GRID2: variants seen among roughly 807,000 people sequenced by gnomAD.
GRID2 encodes glutamate ionotropic receptor delta type subunit 2, also known as glutamate receptor ionotropic, delta-2.
Under a neutral mutation model 114.8 loss-of-function variants are expected in GRID2, and 33 were observed. The observed-to-expected ratio is 0.29, with a 90% CI of 0.22 to 0.38. The LOEUF (loss-of-function observed/expected upper bound fraction) is 0.38, where lower values mean the gene tolerates loss of function less well. Among genes scored for constraint, GRID2 ranks in the 10% least tolerant of loss-of-function variants. The pLI, the probability that GRID2 is intolerant of heterozygous loss-of-function variation, is 1.00. For synonymous variants in GRID2, 505 were observed against 449.9 expected (o/e 1.12, Z -1.55); for missense variants, 1,184 against 1,257.7 (o/e 0.94, Z 0.89).
intron 13 of GRID2, among the ~76,000 whole-genome samples, chr4:93,560,083 T>C (rs1734745570): frequency 1.3e-5 from 2 of 149,614 alleles, no homozygotes; most frequent in Non-Finnish European, 3.0e-5. Context: ...TGTCAGAAGG[T>C]GGGGGGCTAG....
At chr4:92,982,114 T>C (rs1315224493) in intron 2 of GRID2, among the ~76,000 whole-genome samples, 2 of 151,528 alleles carry the variant, frequency 1.3e-5, no homozygotes, top group Non-Finnish European at 2.9e-5. Flanking sequence ...GTCTCATTTT[T>C]ACTCCCCTAC....
chr4:93,007,685 A>C (rs1032895981), intron 2 of GRID2, among the ~76,000 whole-genome samples: 1 of 152,122 alleles, frequency 6.6e-6, no homozygotes, highest in Non-Finnish European at 1.5e-5. Context: ...AGGTGTTAAA[A>C]GGGGTAGAAT....
chr4:92,598,050 G>A (rs1729035283), intron 2 of GRID2, among the ~76,000 whole-genome samples: 1 of 152,144 alleles, frequency 6.6e-6, no homozygotes, highest in South Asian at 2.1e-4. Context: ...TCCTTGACAA[G>A]TGTAATGAGG....
At chr4:92,835,556 A>G (rs969170691) in intron 2 of GRID2, among the ~76,000 whole-genome samples, 2 of 152,126 alleles carry the variant, frequency 1.3e-5, no homozygotes, top group Non-Finnish European at 2.9e-5. Flanking sequence ...TCAGAATTGC[A>G]TGAGGTCCTG....
intron 1 of GRID2, among the ~76,000 whole-genome samples, chr4:92,475,088 G>T (rs1479212271): frequency 1.3e-5 from 2 of 148,250 alleles, no homozygotes; most frequent in Non-Finnish European, 3.0e-5. Context: ...CTGGCACATT[G>T]TGCATATGTA....
chr4:92,353,705 G>A (rs1332051172), intron 1 of GRID2, among the ~76,000 whole-genome samples: 1 of 151,938 alleles, frequency 6.6e-6, no homozygotes, highest in Non-Finnish European at 1.5e-5. Context: ...GGCTGTGTGT[G>A]GGGCCCCTCC....
chr4:93,499,444 A>G (rs752548115), intron 12 of GRID2, among the ~76,000 whole-genome samples: 8 of 151,714 alleles, frequency 5.3e-5, no homozygotes, highest in Non-Finnish European at 2.9e-5. Context: ...CTTCTTTCCC[A>G]CCCACATTTC....
At chr4:93,021,767 T>C (rs1723371438) in intron 2 of GRID2, among the ~76,000 whole-genome samples, 1 of 146,114 alleles carries the variant, frequency 6.8e-6, no homozygotes, top group African/African-American at 2.5e-5. Flanking sequence ...ATGAATATTA[T>C]AATATTTACA....
At chr4:92,388,255 G>A (rs1730072701) in intron 1 of GRID2, among the ~76,000 whole-genome samples, 1 of 151,954 alleles carries the variant, frequency 6.6e-6, no homozygotes, top group South Asian at 2.1e-4. Flanking sequence ...TTAGGTCATT[G>A]GCTGTTTTAA....
intron 8 of GRID2, among the ~76,000 whole-genome samples, chr4:93,241,350 T>A (rs1000753771): frequency 1.3e-5 from 2 of 151,696 alleles, no homozygotes; most frequent in African/African-American, 4.8e-5. Context: ...TGATGTTGAA[T>A]GGAAATAACA....
chr4:92,846,079 T>A (rs1031880587), intron 2 of GRID2, among the ~76,000 whole-genome samples: 2 of 152,114 alleles, frequency 1.3e-5, no homozygotes, highest in Non-Finnish European at 2.9e-5. Context: ...CTAGTTAAAA[T>A]TACAGATTTC....
intron 1 of GRID2, among the ~76,000 whole-genome samples, chr4:92,448,588 C>T (rs1481625561): frequency 6.6e-6 from 1 of 151,954 alleles, no homozygotes; most frequent in African/African-American, 2.4e-5. Context: ...TTAAGATCAA[C>T]ATCTAAAAAA....
At chr4:92,494,613 A>G (rs1036377959) in intron 1 of GRID2, among the ~76,000 whole-genome samples, 1 of 152,112 alleles carries the variant, frequency 6.6e-6, no homozygotes, top group African/African-American at 2.4e-5. Context: ...AAGTACCAGA[A>G]TCAAGTCTAA....
At position 92,600,045 on chromosome 4, in the gene GRID2, T is replaced by A. The variant is rs1477893128; in HGVS notation, c.244+9759T>A. Among the ~76,000 whole-genome samples, 4 of 14,178 alleles carry A rather than the reference T, an allele frequency of 2.8e-4. No homozygotes were observed. The East Asian group carries it at 8.0e-3, about 28-fold the overall frequency. The allele number at this position is 14,178 out of a possible 152,430, so 9.3% of individuals were successfully genotyped here. A position where few individuals can be genotyped will look rare whatever the true frequency, so the allele number is the denominator to read the frequency against. ...ATGTATGTGTGTGTGTGTGTGTGTG[T>A]ATATATATATATATATATATATATA... is the stretch of plus-strand genomic sequence containing the variant. On this transcript the variant is annotated intron_variant, in intron 2 of 15. Coordinates refer to ENST00000282020, the MANE Select transcript of GRID2 (RefSeq NM_001510.4).
intron 1 of GRID2, among the ~76,000 whole-genome samples, chr4:92,341,069 T>C (rs191163593): frequency 4.3e-4 from 66 of 152,298 alleles, no homozygotes; most frequent in African/African-American, 1.4e-3. Flanking sequence ...CAGTATCTAG[T>C]ATATAAAATA....
intron 1 of GRID2, among the ~76,000 whole-genome samples, chr4:92,573,001 CT>C (rs1199897728): frequency 2.0e-5 from 3 of 151,960 alleles, no homozygotes; most frequent in African/African-American, 7.2e-5. Context: ...AGTTTCAGAA[CT>C]CATTATTGCC....
intron 2 of GRID2, among the ~76,000 whole-genome samples, chr4:93,062,435 A>G (rs749152262): frequency 1.3e-5 from 2 of 152,142 alleles, no homozygotes; most frequent in Non-Finnish European, 2.9e-5. Flanking sequence ...TATCTCTTAT[A>G]TAATGTCTTT....
intron 1 of GRID2, among the ~76,000 whole-genome samples, chr4:92,518,246 AAG>A (rs1284112855): frequency 6.6e-6 from 1 of 151,578 alleles, no homozygotes; most frequent in Non-Finnish European, 1.5e-5. Context: ...ATTAGGAGTT[AAG>A]GTAAAGGTTA....
intron 2 of GRID2, among the ~76,000 whole-genome samples, chr4:92,645,559 C>T (rs1191542906): frequency 1.3e-5 from 2 of 151,700 alleles, no homozygotes; most frequent in African/African-American, 4.8e-5. Flanking sequence ...AACTGTGATA[C>T]ATCTATGTAC....
Sources: allele counts gnomAD v4.1 joint callset (sites outside exome capture counted in the v4.1 genomes callset), GRCh38; gene constraint gnomAD v4.1.1; transcripts MANE v1.5; gene names NCBI Gene and HGNC (gene_info 2026-07-23, HGNC 2026-07-21).